HSPA12A: variants seen among roughly 807,000 people sequenced by gnomAD.
HSPA12A encodes heat shock 70 kDa protein 12A.
In HSPA12A, 28 loss-of-function variants were observed where a neutral mutation model predicts 69.2. The ratio of observed to expected loss-of-function variants is 0.40; its 90% CI spans 0.30 to 0.55. HSPA12A has a LOEUF of 0.55. HSPA12A is among the 20% of genes least tolerant of loss of function. The probability of loss-of-function intolerance (pLI) is 0.38; values close to 1 mark genes in which losing one functional copy is unlikely to be tolerated. For synonymous variants in HSPA12A, 345 were observed against 370.5 expected (o/e 0.93, Z 0.79); for missense variants, 686 against 900.7 (o/e 0.76, Z 3.05).
chr10:116,700,870 C>T, intron 4 of HSPA12A, 73 bp downstream of exon 4: 2 of 1,489,926 alleles, frequency 1.3e-6, no homozygotes, highest in South Asian at 1.2e-5. Flanking sequence ...GACATCCCTT[C>T]CCCACCCCAA....
chr10:116,735,773 G>C (rs1471487883), intron 1 of HSPA12A, among the ~76,000 whole-genome samples: 2 of 151,960 alleles, frequency 1.3e-5, no homozygotes, highest in Non-Finnish European at 2.9e-5. Flanking sequence ...GAGGCAGGAG[G>C]GTTGCTTGAG....
intron 6 of HSPA12A, among the ~76,000 whole-genome samples, chr10:116,689,471 C>G (rs1403923215): frequency 6.6e-6 from 1 of 152,074 alleles, no homozygotes; most frequent in Non-Finnish European, 1.5e-5. Flanking sequence ...GACAGATGAC[C>G]ACCTGATTTA....
chr10:116,739,941 C>G (rs1851429444), intron 1 of HSPA12A, among the ~76,000 whole-genome samples: 1 of 152,006 alleles, frequency 6.6e-6, no homozygotes. Context: ...TCTGACACCA[C>G]CCCCCAACAC....
At chr10:116,764,677 T>A (rs1192867505) in intron 2 of HSPA12A, among the ~76,000 whole-genome samples, 1 of 152,226 alleles carries the variant, frequency 6.6e-6, no homozygotes, top group Non-Finnish European at 1.5e-5. Context: ...TATATCTTTT[T>A]ATACAGTTTT....
intron 2 of HSPA12A, among the ~76,000 whole-genome samples, chr10:116,775,949 G>A (rs1240314067): frequency 6.6e-6 from 1 of 152,182 alleles, no homozygotes; most frequent in African/African-American, 2.4e-5. Context: ...GCAGCTGAGT[G>A]CCATAAAAGA....
At chr10:116,790,461 G>T (rs1270798649) in intron 2 of HSPA12A, among the ~76,000 whole-genome samples, 1 of 151,940 alleles carries the variant, frequency 6.6e-6, no homozygotes, top group East Asian at 1.9e-4. Context: ...GCCCACTCAT[G>T]CTGCACACTG....
intron 5 of HSPA12A, 178 bp downstream of exon 5, chr10:116,698,457 T>C: frequency 2.1e-6 from 1 of 467,802 alleles, no homozygotes; most frequent in South Asian, 5.2e-5. Flanking sequence ...CCGCACCATT[T>C]TACTTTCCCA....
intron 2 of HSPA12A, among the ~76,000 whole-genome samples, chr10:116,801,781 A>G (rs748074631): frequency 6.6e-5 from 10 of 152,134 alleles, no homozygotes; most frequent in Non-Finnish European, 1.2e-4. Flanking sequence ...GCAAAATCCA[A>G]ATAAAGCTTA....
chr10:116,718,937 G>A (rs12256473), intron 1 of HSPA12A, among the ~76,000 whole-genome samples: 34,761 of 151,616 alleles, frequency 0.23, 4,561 homozygotes, highest in Middle Eastern at 0.41. Context: ...TTTATGAATC[G>A]ACACGAGATT....
chr10:116,759,662 T>A (rs1012543844), intron 2 of HSPA12A, among the ~76,000 whole-genome samples: 10 of 152,182 alleles, frequency 6.6e-5, no homozygotes, highest in African/African-American at 2.2e-4. Context: ...GTACTGGGGT[T>A]GCAGAGGGAT....
intron 2 of HSPA12A, among the ~76,000 whole-genome samples, chr10:116,706,603 T>C (rs1401965206): frequency 6.6e-6 from 1 of 152,174 alleles, no homozygotes; most frequent in Non-Finnish European, 1.5e-5. Context: ...TCAGGTTGGC[T>C]GCCTGTGCAT....
intron 5 of HSPA12A, among the ~76,000 whole-genome samples, chr10:116,696,699 A>G (rs3010477): frequency 0.54 from 81,804 of 151,794 alleles, 22,445 homozygotes; most frequent in Middle Eastern, 0.64. Flanking sequence ...TAACCAAGAA[A>G]AAGTTCCTTG....
intron 2 of HSPA12A, chr10:116,751,029 AAGAAGG>A (rs1276272671): frequency 7.7e-5 from 12 of 155,132 alleles, no homozygotes; most frequent in East Asian, 5.8e-4. Flanking sequence ...GAAGAAGAAG[AAGAAGG>A]AGGAGAAGAA....
intron 1 of HSPA12A, among the ~76,000 whole-genome samples, chr10:116,836,504 A>G (rs1451158056): frequency 6.6e-6 from 1 of 152,208 alleles, no homozygotes; most frequent in African/African-American, 2.4e-5. Flanking sequence ...GAATTGCTCC[A>G]TTGATCATAT....
chr10:116,715,392 G>A (rs1439864703), intron 1 of HSPA12A, among the ~76,000 whole-genome samples: 4 of 152,204 alleles, frequency 2.6e-5, no homozygotes, highest in Non-Finnish European at 5.9e-5. Flanking sequence ...AATTAGAAAC[G>A]TAAATGCTGA....
intron 2 of HSPA12A, among the ~76,000 whole-genome samples, chr10:116,804,341 G>T (rs956455348): frequency 2.0e-5 from 3 of 152,192 alleles, no homozygotes; most frequent in Non-Finnish European, 4.4e-5. Flanking sequence ...CCGTGAAGTT[G>T]TAACAGCGGT....
chr10:116,756,513 C>T lies in HSPA12A; in HGVS notation c.92-49228G>A, dbSNP rs964652262. 3.9e-5 allele frequency among the ~76,000 whole-genome samples: 6 copies of T among 152,346 alleles called. No homozygotes were observed. In the East Asian group the frequency reaches 1.2e-3, roughly 29 times the overall value. On this transcript the variant is annotated intron_variant, in intron 2 of 12. Coordinates refer to the HSPA12A transcript ENST00000635765. ...AGTGAGCTCAGAATGGCTGCCCTTC[C>T]CTGAGCCTGCTCGCCTTGGCACACG... is the stretch of plus-strand genomic sequence containing the variant.
intron 2 of HSPA12A, among the ~76,000 whole-genome samples, chr10:116,822,566 G>A (rs1384290443): frequency 1.3e-5 from 2 of 152,180 alleles, no homozygotes; most frequent in Non-Finnish European, 2.9e-5. Flanking sequence ...AGTTCAATGG[G>A]GTTGACATGA....
chr10:116,729,259 G>A (rs1320868394), intron 1 of HSPA12A, among the ~76,000 whole-genome samples: 3 of 152,182 alleles, frequency 2.0e-5, no homozygotes, highest in East Asian at 1.9e-4. Flanking sequence ...GAGCCCCAGC[G>A]TACAGGCTGG....
Sources: gnomAD v4.1 joint callset for allele counts (sites outside exome capture counted in the v4.1 genomes callset) on GRCh38, gnomAD v4.1.1 for gene constraint, MANE v1.5 for transcripts, NCBI Gene and HGNC (gene_info 2026-07-23, HGNC 2026-07-21) for gene names.